Variants in MINDY2 observed in about 807,000 individuals in gnomAD.
MINDY2 encodes the protein ubiquitin carboxyl-terminal hydrolase MINDY-2.
Under a neutral mutation model 68.2 loss-of-function variants are expected in MINDY2, and 52 were observed. That is an observed-to-expected ratio of 0.76 (90% CI 0.61 to 0.96). MINDY2 has a LOEUF of 0.96. Among genes scored for constraint, MINDY2 ranks in the 40% least tolerant of loss-of-function variants. The pLI is 0.00. For synonymous variants in MINDY2, 372 were observed against 303.0 expected, an observed-to-expected ratio of 1.23 and a Z score of -2.36; for missense variants, 881 against 773.4, an observed-to-expected ratio of 1.14 and a Z score of -1.65.
intron 6 of MINDY2, among the ~76,000 whole-genome samples, chr15:58,845,933 A>G (rs1277131484): frequency 1.3e-5 from 2 of 152,226 alleles, no homozygotes; most frequent in South Asian, 2.1e-4. Context: ...GTTAAGTGAG[A>G]TAAGCCAGGC....
At chr15:58,787,138 T>A (rs1349362211) in intron 1 of MINDY2, among the ~76,000 whole-genome samples, 1 of 117,874 alleles carries the variant, frequency 8.5e-6, no homozygotes, top group Non-Finnish European at 1.7e-5. Context: ...CCCATTTCTT[T>A]ACTTTTTTTT....
At chr15:58,819,067 C>T (rs1375007438) in intron 4 of MINDY2, among the ~76,000 whole-genome samples, 1 of 152,160 alleles carries the variant, frequency 6.6e-6, no homozygotes, top group Admixed American at 6.6e-5. Flanking sequence ...CAGCCTTGAA[C>T]TCCTGGACTC....
chr15:58,835,538 A>C (rs1567069198), intron 6 of MINDY2, among the ~76,000 whole-genome samples: 1 of 152,184 alleles, frequency 6.6e-6, no homozygotes, highest in African/African-American at 2.4e-5. Context: ...CTGTAATTCC[A>C]GCTACTTGGG....
chr15:58,853,101 T>C (rs1309228872), intron 8 of MINDY2, among the ~76,000 whole-genome samples: 9 of 151,456 alleles, frequency 5.9e-5, no homozygotes, highest in African/African-American at 2.2e-4. Flanking sequence ...TACAGGTGTG[T>C]GCCACCATGC....
At chr15:58,820,096 A>G (rs1264510491) in intron 4 of MINDY2, among the ~76,000 whole-genome samples, 1 of 151,934 alleles carries the variant, frequency 6.6e-6, no homozygotes. Context: ...TGAAACCGCA[A>G]CTCTACTAAA....
In MINDY2 at chr15:58,852,290, A is replaced by AAAAAAAG. The variant is rs1226084580; in HGVS notation, c.1737+331_1737+332insGAAAAAA. 2.0e-5 allele frequency among the ~76,000 whole-genome samples: 3 copies of AAAAAAAG among 149,498 alleles called. 1 individual carries two copies. The highest frequency in any genetic ancestry group is 4.5e-5 in the Non-Finnish European group (3 of 67,188). On this transcript the variant is annotated intron_variant, in intron 8 of 8. Coordinates refer to ENST00000559228, the MANE Select transcript of MINDY2 (RefSeq NM_001040450.3). ...ATGATAGAGCAAGACTCCTTCTCAA[A>AAAAAAAG]AAAAAAAAAAAAAAAGATGATCACT...
Position 58,771,338 on chromosome 15 carries a change from G to T in MINDY2, c.-58G>T. ...CAATACAGCTGTCATGGCGTCCAAG[G>T]CGCTGGCTGCGGAGAAGTGGCCGCG... is the stretch of plus-strand genomic sequence containing the variant. On this transcript the variant is annotated 5_prime_UTR_variant, in exon 1 of 9. Coordinates refer to ENST00000559228, the MANE Select transcript of MINDY2 (RefSeq NM_001040450.3). 12 of 1,552,602 alleles carry T rather than the reference G, an allele frequency of 7.7e-6. No homozygotes were observed. The highest frequency in any genetic ancestry group is 9.5e-6 in the Non-Finnish European group (11 of 1,151,846).
chr15:58,823,105 T>C (rs1184665901), intron 5 of MINDY2, among the ~76,000 whole-genome samples: 1 of 151,946 alleles, frequency 6.6e-6, no homozygotes, highest in African/African-American at 2.4e-5. Flanking sequence ...ATGCATAGTA[T>C]TTTAGTTAAG....
rs568639158 is a variant in MINDY2, at chr15:58,832,228, CTTTTTTT to C, written c.1368+321_1368+327del. On this transcript the variant is annotated intron_variant, in intron 6 of 8. Coordinates refer to ENST00000559228, the MANE Select transcript of MINDY2 (RefSeq NM_001040450.3). ...CCTAGAGATAGAACTAGGATGACTT[CTTTTTTT>C]TTTTTTTTGAAATGGAATTTCGCTC... is the stretch of plus-strand genomic sequence containing the variant. 2.2e-4 allele frequency among the ~76,000 whole-genome samples: 31 copies of C among 139,998 alleles called. 1 individual carries two copies. The highest frequency in any genetic ancestry group is 5.0e-4 in the Admixed American group (7 of 13,936). The allele number at this position is 139,998 out of a possible 152,430, so 91.8% of individuals were successfully genotyped here.
At chr15:58,790,413 G>A (rs192155753) in intron 2 of MINDY2, among the ~76,000 whole-genome samples, 7 of 152,212 alleles carry the variant, frequency 4.6e-5, no homozygotes, top group African/African-American at 1.7e-4. Flanking sequence ...TAGGAGATGA[G>A]ATCAGAGAGT....
At chr15:58,850,273 A>G (rs1240741488) in intron 7 of MINDY2, among the ~76,000 whole-genome samples, 1 of 152,228 alleles carries the variant, frequency 6.6e-6, no homozygotes, top group African/African-American at 2.4e-5. Flanking sequence ...TATGATGGCT[A>G]CTGTGTTGGC....
At chr15:58,844,707 A>C (rs1047414590) in intron 6 of MINDY2, among the ~76,000 whole-genome samples, 3 of 151,854 alleles carry the variant, frequency 2.0e-5, no homozygotes, top group African/African-American at 7.3e-5. Flanking sequence ...ATCTGAGGTC[A>C]GGAGTTCGAG....
chr15:58,840,584 C>T (rs7181998), intron 6 of MINDY2, among the ~76,000 whole-genome samples: 4,141 of 150,730 alleles, frequency 0.027, 195 homozygotes, highest in African/African-American at 0.092. Flanking sequence ...TTAAACTGGG[C>T]GGATCCTCTT....
chr15:58,808,414 T>C (rs2029970630), intron 3 of MINDY2, among the ~76,000 whole-genome samples: 1 of 152,198 alleles, frequency 6.6e-6, no homozygotes, highest in Non-Finnish European at 1.5e-5. Context: ...TCTTTTTTAC[T>C]GTCTCTGTAG....
intron 5 of MINDY2, among the ~76,000 whole-genome samples, chr15:58,831,037 G>GTATATATATATATATATATA (rs549317915): frequency 2.7e-5 from 3 of 110,374 alleles, no homozygotes; most frequent in African/African-American, 1.2e-4. Flanking sequence ...GTGTGTGTGT[G>GTATATATATATATATATATA]TGTGTATATA....
intron 6 of MINDY2, among the ~76,000 whole-genome samples, chr15:58,844,559 CAAAAAAA>C (rs34592774): frequency 3.0e-5 from 2 of 66,910 alleles, no homozygotes; most frequent in Non-Finnish European, 5.8e-5. Context: ...GACTCCGTCT[CAAAAAAA>C]AAAAAAAAAA....
At chr15:58,789,389 A>G (rs1256143841) in intron 2 of MINDY2, among the ~76,000 whole-genome samples, 2 of 152,194 alleles carry the variant, frequency 1.3e-5, no homozygotes, top group African/African-American at 4.8e-5. Flanking sequence ...CCTTCCAGGC[A>G]ACTAGTTCAC....
At chr15:58,806,940 A>G (rs1438902854) in intron 3 of MINDY2, among the ~76,000 whole-genome samples, 1 of 152,222 alleles carries the variant, frequency 6.6e-6, no homozygotes, top group Non-Finnish European at 1.5e-5. Flanking sequence ...CTGCAGTATA[A>G]CAATGTTATC....
chr15:58,781,190 C>T (rs1197869432), intron 1 of MINDY2, among the ~76,000 whole-genome samples: 2 of 152,094 alleles, frequency 1.3e-5, no homozygotes, highest in Non-Finnish European at 2.9e-5. Context: ...CCTGAGATTA[C>T]AGACACCTGC....
Sources: gnomAD v4.1 joint callset for allele counts (sites outside exome capture counted in the v4.1 genomes callset) on GRCh38, gnomAD v4.1.1 for gene constraint, MANE v1.5 for transcripts, NCBI Gene and HGNC (gene_info 2026-07-23, HGNC 2026-07-21) for gene names.